The following ACTN1 variants were observed in gnomAD, a reference collection of about 807,000 sequenced individuals.
ACTN1 encodes actinin alpha 1, also known as alpha-actinin-1.
A neutral mutation model predicts 119.6 loss-of-function variants in ACTN1; 30 were observed. The ratio of observed to expected loss-of-function variants is 0.25; its 90% confidence interval spans 0.19 to 0.34. The LOEUF (loss-of-function observed/expected upper bound fraction) is 0.34. Ranked by LOEUF, ACTN1 falls within the 10% of genes least tolerant of loss-of-function variation. The pLI is 1.00. For missense variants in ACTN1, 764 were observed against 1,223.4 expected (o/e 0.62, Z 5.60); for synonymous variants, 429 against 472.6 (o/e 0.91, Z 1.20).
At position 68,925,963 on chromosome 14, in the gene ACTN1, T is replaced by C. The variant is rs1182318543; in HGVS notation, c.106-291A>G. Among the ~76,000 whole-genome samples the C allele has an allele frequency of 2.6e-5, 4 of 152,198 alleles. No homozygotes were observed. Among genetic ancestry groups the C allele is most frequent in the Non-Finnish European group, 5.9e-5 (4 of 68,036 alleles). The stretch of plus-strand genomic sequence containing the variant: ...CTCCCAGCCCTCTCTCAAAGACTCA[T>C]GCCCACCCACATTTGAAAATGCCAC... On this transcript the variant is annotated intron_variant, in intron 1 of 21. Transcript: ENST00000394419. The surrounding 1 kb of genome is among the most constrained non-coding windows in gnomAD (Gnocchi z 4.3).
chr14:68,964,671 CT>C (rs2036647097), intron 1 of ACTN1, among the ~76,000 whole-genome samples: 1 of 152,222 alleles, frequency 6.6e-6, no homozygotes, highest in South Asian at 2.1e-4. Flanking sequence ...TCAGTTCCTT[CT>C]GTAAAGTGGG....
At chr14:68,972,572 G>A (rs2036923025) in intron 1 of ACTN1, among the ~76,000 whole-genome samples, 1 of 152,206 alleles carries the variant, frequency 6.6e-6, no homozygotes, top group African/African-American at 2.4e-5. Flanking sequence ...TATTTGTGAG[G>A]TTGTGAAACC....
At chr14:68,955,765 C>T (rs959158312) in intron 1 of ACTN1, among the ~76,000 whole-genome samples, 2 of 152,210 alleles carry the variant, frequency 1.3e-5, no homozygotes, top group Non-Finnish European at 2.9e-5. Context: ...TGCAGTGTTG[C>T]TTTAAAGCAG....
At chr14:68,942,687 C>T (rs1594852747) in intron 1 of ACTN1, among the ~76,000 whole-genome samples, 1 of 152,308 alleles carries the variant, frequency 6.6e-6, no homozygotes, top group African/African-American at 2.4e-5. Context: ...CCCTCGTGCC[C>T]GGCTGGTGGA....
At chr14:68,914,056 C>A (rs1187966536) in intron 3 of ACTN1, among the ~76,000 whole-genome samples, 2 of 151,936 alleles carry the variant, frequency 1.3e-5, no homozygotes, top group Non-Finnish European at 2.9e-5. Flanking sequence ...AACCCCATCT[C>A]TACAAAAATA....
intron 8 of ACTN1, among the ~76,000 whole-genome samples, chr14:68,899,221 ACCACACC>A (rs1331911233): frequency 3.7e-5 from 3 of 80,022 alleles, no homozygotes; most frequent in Non-Finnish European, 5.1e-5. Context: ...CACACCACAC[ACCACACC>A]CCACACACAC....
chr14:68,884,760 T>A lies in ACTN1; in HGVS notation c.1494+15A>T. ...TGCCGGATATGGGCCTAGATCTCCC[T>A]CTGGGACCTCTCACCTCCAGAGCTT... On this transcript the variant is annotated intron_variant, in intron 13 of 21. Coordinates refer to ENST00000394419, the MANE Select transcript of ACTN1 (RefSeq NM_001130004.2). 6.3e-7 allele frequency: 1 copy of A among 1,595,128 alleles called. No individual in the cohort carries two copies. The highest frequency in any genetic ancestry group is 8.6e-7 in the Non-Finnish European group (1 of 1,162,794).
rs1047946693 is a variant in ACTN1 at position 68,909,840 on chromosome 14, C to T, written c.515+115G>A. Reference sequence around the variant, plus strand: ...CCCTTCCCAAGGAAAGCTACTTCTTCCCCCAGAGGTCTCCACTTTGTTCTA... The same window carrying T: ...CCCTTCCCAAGGAAAGCTACTTCTTTCCCCAGAGGTCTCCACTTTGTTCTA... On this transcript the variant is annotated intron_variant, in intron 5 of 21. Transcript: ENST00000394419. This position sits in a 1 kb window ranked among gnomAD's most constrained non-coding sequence, Gnocchi z 4.1. 1 of 809,114 alleles carries T rather than the reference C, an allele frequency of 1.2e-6. No individual in the cohort carries two copies. Among genetic ancestry groups the T allele is most frequent in the Non-Finnish European group, 2.0e-6 (1 of 493,822 alleles). 50.1% of individuals were successfully genotyped at this position (809,114 alleles called of 1,614,324 possible).
intron 8 of ACTN1, among the ~76,000 whole-genome samples, chr14:68,900,673 C>A (rs1364333414): frequency 6.6e-6 from 1 of 152,012 alleles, no homozygotes; most frequent in African/African-American, 2.4e-5. Flanking sequence ...CACAGGAGGT[C>A]ATTCAGAGGC....
Position 68,950,462 on chromosome 14 carries a change from G to GTGTGTGTGTGTGTGTGTATATATATATA in ACTN1, c.106-24791_106-24790insTATATATATATACACACACACACACACA. On this transcript the variant is annotated intron_variant, in intron 1 of 21. Coordinates refer to ENST00000394419, the MANE Select transcript of ACTN1 (RefSeq NM_001130004.2). ...TTTACCATAATATATATGCGTGTGT[G>GTGTGTGTGTGTGTGTGTATATATATATA]TATATATATATATATAAATCAAACA... Among the ~76,000 whole-genome samples the GTGTGTGTGTGTGTGTGTATATATATATA allele has an allele frequency of 7.5e-4, 95 of 125,936 alleles. 5 individuals carry two copies. The highest frequency in any genetic ancestry group is 3.7e-3 in the Middle Eastern group (1 of 268). The allele number at this position is 125,936 out of a possible 152,430, so 82.6% of individuals were successfully genotyped here.
intron 1 of ACTN1, among the ~76,000 whole-genome samples, chr14:68,933,133 T>TA (rs60697120): frequency 0.026 from 4,025 of 152,130 alleles, 183 homozygotes; most frequent in African/African-American, 0.091. Flanking sequence ...CTTGTATTTT[T>TA]TTTATTATTA....
intron 1 of ACTN1, among the ~76,000 whole-genome samples, chr14:68,972,248 T>A (rs2036913089): frequency 1.3e-5 from 2 of 152,206 alleles, no homozygotes; most frequent in African/African-American, 2.4e-5. Flanking sequence ...ACATCCTTCA[T>A]CCCGCTTTCT....
intron 1 of ACTN1, among the ~76,000 whole-genome samples, chr14:68,973,149 G>A (rs12148014): frequency 0.034 from 5,098 of 152,170 alleles, 160 homozygotes; most frequent in Non-Finnish European, 0.042. Flanking sequence ...GGGGAGCCTG[G>A]GCAACCCTCT....
intron 3 of ACTN1, among the ~76,000 whole-genome samples, chr14:68,919,612 G>T (rs1019946952): frequency 6.6e-6 from 1 of 152,190 alleles, no homozygotes; most frequent in Non-Finnish European, 1.5e-5. Flanking sequence ...AGAAACCAAG[G>T]TTTCTGCCTT....
At chr14:68,920,006 T>C (rs1352985230) in intron 3 of ACTN1, among the ~76,000 whole-genome samples, 2 of 152,204 alleles carry the variant, frequency 1.3e-5, no homozygotes, top group Admixed American at 1.3e-4. Context: ...GATCTGCTCC[T>C]ATGGACTTCC....
chr14:68,972,210 T>G (rs1405240910), intron 1 of ACTN1, among the ~76,000 whole-genome samples: 3 of 152,178 alleles, frequency 2.0e-5, no homozygotes, highest in Non-Finnish European at 4.4e-5. Flanking sequence ...CTATGATCTA[T>G]TCCTGGTCAG....
rs763688743 is a variant in ACTN1 at position 68,880,832 on chromosome 14, T to C, written c.2111A>G (p.Lys704Arg). 4 of 1,614,132 alleles carry C rather than the reference T, an allele frequency of 2.5e-6. No homozygotes were observed. The African/African-American group carries it at 5.3e-5, about 22-fold the overall frequency. ...CACCTCCATGGTGTAGTTGGTGTGCTTGTTGTCGAAGATGAGCGCCTCCTG... is the reference window on the plus strand; with the variant it reads ...CACCTCCATGGTGTAGTTGGTGTGCCTGTTGTCGAAGATGAGCGCCTCCTG... ...LIQEALIFDNKHTNYTMEHIR... is the reference protein window; with the variant it reads ...LIQEALIFDNRHTNYTMEHIR... The change falls in exon 17 of 22, where the codon AAG (lysine) becomes AGG (arginine). Residue 704 changes from lysine to arginine, a missense_variant. Lys to Arg is a conservative substitution (Grantham distance 26). Around this residue, in one of 4 missense-constraint regions of ACTN1, gnomAD observed 544 missense variants for 912.0 expected, o/e 0.60. Coordinates refer to ENST00000394419, the MANE Select transcript of ACTN1 (RefSeq NM_001130004.2). The surrounding 1 kb of genome is among the most constrained non-coding windows in gnomAD (Gnocchi z 4.6).
chr14:68,893,792 C>A, intron 8 of ACTN1, 45 bp from the exon 9 acceptor site: 1 of 1,592,624 alleles, frequency 6.3e-7, no homozygotes, highest in South Asian at 1.1e-5. Context: ...GCCCCAGCAG[C>A]AGGGGCACCT....
chr14:68,884,439 C>T (rs1453085449), intron 13 of ACTN1, 131 bp from the exon 14 acceptor site: 5 of 1,119,594 alleles, frequency 4.5e-6, no homozygotes, highest in Non-Finnish European at 6.3e-6. Flanking sequence ...ACAAGCTCTT[C>T]CTGCCAGCTG....
Sources: allele counts gnomAD v4.1 joint callset (sites outside exome capture counted in the v4.1 genomes callset), GRCh38; gene constraint gnomAD v4.1.1; regional missense constraint gnomAD v4.1.1; non-coding constraint Gnocchi (gnomAD v3.1); transcripts MANE v1.5; gene names NCBI Gene and HGNC (gene_info 2026-07-23, HGNC 2026-07-21).